Variants in PDXDC1 observed in about 807,000 individuals in gnomAD.
The protein encoded by PDXDC1 is pyridoxal dependent decarboxylase domain containing 1.
In PDXDC1, 42 loss-of-function variants were observed where a neutral mutation model predicts 100.1. The ratio of observed to expected loss-of-function variants is 0.42; its 90% CI spans 0.33 to 0.54. The LOEUF is 0.54. PDXDC1 is among the 20% of genes least tolerant of loss of function. PDXDC1 has a pLI of 0.10. For missense variants in PDXDC1, 636 were observed against 979.2 expected, an observed-to-expected ratio of 0.65 and a Z score of 4.68; for synonymous variants, 260 against 371.7, an observed-to-expected ratio of 0.70 and a Z score of 3.46.
At chr16:15,066,485 T>G (rs1257792023) in intron 16 of PDXDC1, among the ~76,000 whole-genome samples, 4 of 151,688 alleles carry the variant, frequency 2.6e-5, no homozygotes, top group African/African-American at 9.7e-5. Context: ...ATACAAAAAT[T>G]AGCTGGGCGT....
chr16:15,130,436 C>T (rs1207858364), intron 16 of PDXDC1: 1 of 1,488,250 alleles, frequency 6.7e-7, no homozygotes, highest in Middle Eastern at 2.4e-4. Context: ...GACGGTAACT[C>T]CCCACTGGGT....
intron 11 of PDXDC1, among the ~76,000 whole-genome samples, 169 bp downstream of exon 11, chr16:15,017,591 A>G (rs1407206005): frequency 6.6e-6 from 1 of 152,264 alleles, no homozygotes; most frequent in Admixed American, 6.5e-5. Context: ...ACATTTTATG[A>G]TTGTATAATA....
At chr16:15,132,427 G>C (rs1444395117) in intron 16 of PDXDC1, among the ~76,000 whole-genome samples, 1 of 108,098 alleles carries the variant, frequency 9.3e-6, no homozygotes, top group Non-Finnish European at 2.0e-5. Flanking sequence ...GGCTAGGGGA[G>C]GGAAGGGGGA....
chr16:15,148,301 G>A, the PDXDC1 span, among the ~76,000 whole-genome samples: 1 of 149,160 alleles, frequency 6.7e-6, no homozygotes, highest in Non-Finnish European at 1.5e-5. Context: ...TAATGAGGCC[G>A]ACCATCTTCT....
Position 15,135,356 on chromosome 16 carries a change from A to G in PDXDC1, c.1400-3523A>G. The G allele has an allele frequency of 1.5e-5, 23 of 1,540,562 alleles. No homozygotes were observed. The South Asian group carries it at 2.4e-4, about 16-fold the overall frequency. On this transcript the variant is annotated intron_variant, in intron 16 of 16. Coordinates refer to the PDXDC1 transcript ENST00000535621. ...GAAGGTGTACTCCACGCCAGCCGCCAGCCGTTCCCGTGGAATGGTGACCGT... is the reference window on the plus strand; with the variant it reads ...GAAGGTGTACTCCACGCCAGCCGCCGGCCGTTCCCGTGGAATGGTGACCGT...
Position 15,068,379 on chromosome 16 carries a change from T to A in PDXDC1, c.1399+38323T>A, listed in dbSNP as rs966985240. 16 of 1,414,372 alleles carry A rather than the reference T, an allele frequency of 1.1e-5. No homozygotes were observed. The African/African-American group carries it at 1.5e-4, about 13-fold the overall frequency. The allele number at this position is 1,414,372 out of a possible 1,614,324, so 87.6% of individuals were successfully genotyped here. ...ATTATCACACATTTAAAAAAAACTT[T>A]AAAAAATTATTTGCAGAAATGCTTT... On this transcript the variant is annotated intron_variant, in intron 16 of 16. Transcript: ENST00000535621.
intron 1 of PDXDC1, chr16:14,976,743 TA>T (rs1319016555): frequency 6.6e-6 from 1 of 152,356 alleles, no homozygotes; most frequent in African/African-American, 2.4e-5. Flanking sequence ...GGGACGCCTC[TA>T]AACATCCTAC....
intron 16 of PDXDC1, among the ~76,000 whole-genome samples, chr16:15,106,742 A>G (rs199571015): frequency 0.64 from 50,104 of 78,736 alleles, 18,485 homozygotes; most frequent in Admixed American, 0.76. Context: ...GTGACACAGC[A>G]AGACTCCATC....
At chr16:14,994,980 A>C (rs1207005393) in intron 1 of PDXDC1, among the ~76,000 whole-genome samples, 5 of 152,294 alleles carry the variant, frequency 3.3e-5, no homozygotes, top group Non-Finnish European at 1.5e-5. Flanking sequence ...TGATTTTTGC[A>C]CATTGATTCT....
At chr16:15,051,964 TC>T (rs2044310224) in intron 16 of PDXDC1, among the ~76,000 whole-genome samples, 1 of 152,056 alleles carries the variant, frequency 6.6e-6, no homozygotes, top group East Asian at 1.9e-4. Context: ...ATGCAAGTAG[TC>T]CCAGTTTTCT....
intron 1 of PDXDC1, among the ~76,000 whole-genome samples, chr16:14,981,060 A>G (rs1396068859): frequency 2.0e-5 from 3 of 152,300 alleles, no homozygotes; most frequent in Non-Finnish European, 4.4e-5. Flanking sequence ...AGAAAGGGAT[A>G]AAAAGCATAG....
chr16:15,069,311 T>C (rs2045120687), intron 16 of PDXDC1, among the ~76,000 whole-genome samples: 1 of 152,156 alleles, frequency 6.6e-6, no homozygotes, highest in Non-Finnish European at 1.5e-5. Flanking sequence ...CGATGAAGGA[T>C]GATGCAGCCC....
chr16:15,148,401 T>TTTTTTA, the PDXDC1 span, among the ~76,000 whole-genome samples: 1 of 102,520 alleles, frequency 9.8e-6, no homozygotes, highest in Non-Finnish European at 2.2e-5. Flanking sequence ...TTTTTTTTTT[T>TTTTTTA]GAGACAGGGT....
intron 1 of PDXDC1, among the ~76,000 whole-genome samples, chr16:14,982,008 T>G (rs1416319888): frequency 6.6e-6 from 1 of 152,290 alleles, no homozygotes; most frequent in Non-Finnish European, 1.5e-5. Context: ...TTTTGTATTT[T>G]TAGTAGAGAC....
chr16:15,034,592 T>A, intron 21 of PDXDC1, 39 bp downstream of exon 21: 1 of 1,495,956 alleles, frequency 6.7e-7, no homozygotes, highest in Non-Finnish European at 9.3e-7. Context: ...TTGCTGACCT[T>A]GGGAGGTTTC....
chr16:14,990,836 G>C (rs548131015), intron 1 of PDXDC1, among the ~76,000 whole-genome samples: 1 of 152,280 alleles, frequency 6.6e-6, no homozygotes, highest in African/African-American at 2.4e-5. Flanking sequence ...CGCCTCCTGG[G>C]TTCAAGCGAT....
intron 16 of PDXDC1, among the ~76,000 whole-genome samples, chr16:15,053,113 C>T (rs2044360626): frequency 1.3e-5 from 2 of 152,280 alleles, no homozygotes; most frequent in South Asian, 4.1e-4. Context: ...TCAATTTTAT[C>T]TAATTTTAAT....
the PDXDC1 span, among the ~76,000 whole-genome samples, chr16:15,150,514 T>A: frequency 6.6e-6 from 1 of 150,492 alleles, no homozygotes; most frequent in South Asian, 2.1e-4. Flanking sequence ...AAAATATTTT[T>A]AAAAATTAGC....
At chr16:15,099,665 C>G (rs2046475536) in intron 16 of PDXDC1, among the ~76,000 whole-genome samples, 1 of 151,946 alleles carries the variant, frequency 6.6e-6, no homozygotes, top group African/African-American at 2.4e-5. Flanking sequence ...AAAAGAGAAA[C>G]AACAAAAAGC....
Sources: allele counts gnomAD v4.1 joint callset (sites outside exome capture counted in the v4.1 genomes callset), GRCh38; gene constraint gnomAD v4.1.1; transcripts MANE v1.5; gene names NCBI Gene and HGNC (gene_info 2026-07-23, HGNC 2026-07-21).